The following SRBD1 variants were observed in gnomAD, a reference collection of about 807,000 sequenced individuals.
The protein encoded by SRBD1 is S1 RNA binding domain 1.
A neutral mutation model predicts 115.3 loss-of-function variants in SRBD1; 88 were observed. The observed-to-expected ratio is 0.76, with a 90% CI of 0.64 to 0.91. The LOEUF is 0.91. SRBD1 is among the 40% of genes least tolerant of loss of function. The pLI, the probability that SRBD1 is intolerant of heterozygous loss-of-function variation, is 0.00. For missense variants in SRBD1, 1,385 were observed against 1,177.4 expected, an observed-to-expected ratio of 1.18 and a Z score of -2.58; for synonymous variants, 509 against 407.7, an observed-to-expected ratio of 1.25 and a Z score of -2.99.
At position 45,413,214 on chromosome 2, in the gene SRBD1, G is replaced by C; in HGVS notation, c.2413C>G (p.Gln805Glu). 1.2e-6 allele frequency: 2 copies of C among 1,614,022 alleles called. No individual in the cohort carries two copies. Among genetic ancestry groups the C allele is most frequent in the Non-Finnish European group, 1.7e-6 (2 of 1,179,964 alleles). Residue 805 changes from glutamine (Q) to glutamate (E), a missense_variant, in exon 19 of 21, where the codon CAG (glutamine) becomes GAG (glutamate). Gln to Glu is a conservative substitution (Grantham distance 29, BLOSUM62 2). Transcript: ENST00000263736. The stretch of plus-strand genomic sequence containing the variant: ...GCAGTTTTGCTCTTCTTTTTGCCCT[G>C]CTTCTCATTTGTGACCTCAACGTCT... Reference protein sequence around the residue: ...SADVEVTNEKQGKKKSKTAVN... With the variant: ...SADVEVTNEKEGKKKSKTAVN...
At chr2:45,465,050 G>A (rs1376064674) in intron 16 of SRBD1, among the ~76,000 whole-genome samples, 1 of 114,848 alleles carries the variant, frequency 8.7e-6, no homozygotes, top group African/African-American at 3.1e-5. Context: ...CACACACACA[G>A]AGTCATCCCC....
At chr2:45,478,917 C>A (rs1414674695) in intron 15 of SRBD1, among the ~76,000 whole-genome samples, 1 of 152,156 alleles carries the variant, frequency 6.6e-6, no homozygotes, top group Non-Finnish European at 1.5e-5. Flanking sequence ...CTGAGTTGGG[C>A]AAGTCTATTG....
intron 19 of SRBD1, among the ~76,000 whole-genome samples, chr2:45,405,974 G>A (rs1667425198): frequency 6.6e-6 from 1 of 152,092 alleles, no homozygotes; most frequent in Non-Finnish European, 1.5e-5. Context: ...GAGGAATAGG[G>A]AGACCCCAGC....
intron 8 of SRBD1, among the ~76,000 whole-genome samples, chr2:45,574,407 G>A (rs183918852): frequency 6.6e-6 from 1 of 152,154 alleles, no homozygotes; most frequent in Non-Finnish European, 1.5e-5. Context: ...AGGAGGGTGA[G>A]TAGGCAGAGT....
At chr2:45,543,913 C>G (rs1411502306) in intron 14 of SRBD1, among the ~76,000 whole-genome samples, 1 of 152,076 alleles carries the variant, frequency 6.6e-6, no homozygotes, top group Non-Finnish European at 1.5e-5. Context: ...AAGGAGAAAA[C>G]AGACTATAGG....
intron 8 of SRBD1, among the ~76,000 whole-genome samples, chr2:45,574,241 C>T (rs1369863143): frequency 6.6e-6 from 1 of 152,084 alleles, no homozygotes; most frequent in African/African-American, 2.4e-5. Flanking sequence ...CACTGGTAAA[C>T]ACCAGAAACG....
intron 14 of SRBD1, among the ~76,000 whole-genome samples, chr2:45,507,209 A>T (rs1670825182): frequency 6.6e-6 from 1 of 152,186 alleles, no homozygotes; most frequent in Admixed American, 6.5e-5. Context: ...AAATACAAGC[A>T]GGACTAACCA....
At chr2:45,442,248 A>G (rs1238435027) in intron 16 of SRBD1, among the ~76,000 whole-genome samples, 1 of 152,250 alleles carries the variant, frequency 6.6e-6, no homozygotes, top group East Asian at 1.9e-4. Flanking sequence ...TATAACTGAC[A>G]TGGTCAGAAA....
At chr2:45,528,568 G>C (rs1671519469) in intron 14 of SRBD1, among the ~76,000 whole-genome samples, 1 of 151,884 alleles carries the variant, frequency 6.6e-6, no homozygotes, top group Admixed American at 6.6e-5. Flanking sequence ...AGGTACCAGA[G>C]GGGTACTCTA....
At chr2:45,527,194 G>A (rs1320046841) in intron 14 of SRBD1, among the ~76,000 whole-genome samples, 1 of 151,696 alleles carries the variant, frequency 6.6e-6, no homozygotes, top group Non-Finnish European at 1.5e-5. Context: ...TGGGGGAGGG[G>A]GGCCAGCAAG....
chr2:45,610,258 C>G (rs998516868), intron 1 of SRBD1, among the ~76,000 whole-genome samples: 3 of 152,040 alleles, frequency 2.0e-5, no homozygotes, highest in African/African-American at 7.3e-5. Flanking sequence ...TGCACACTAA[C>G]AAATACTAAA....
At chr2:45,540,968 G>C (rs182461077) in intron 14 of SRBD1, among the ~76,000 whole-genome samples, 57 of 152,370 alleles carry the variant, frequency 3.7e-4, no homozygotes, top group African/African-American at 1.3e-3. Flanking sequence ...TCTGTGGCCA[G>C]TGGTGCCTTT....
intron 20 of SRBD1, 121 bp from the exon 21 acceptor site, chr2:45,389,720 A>T: frequency 1.0e-6 from 1 of 1,002,334 alleles, no homozygotes. Flanking sequence ...TTAAGGGGGG[A>T]TTATAAAAGG....
intron 4 of SRBD1, among the ~76,000 whole-genome samples, chr2:45,586,527 A>G (rs1365593913): frequency 6.6e-6 from 1 of 152,084 alleles, no homozygotes; most frequent in Non-Finnish European, 1.5e-5. Flanking sequence ...CAACATCTTC[A>G]AGCTAATTAA....
intron 16 of SRBD1, among the ~76,000 whole-genome samples, chr2:45,435,622 T>C (rs888002966): frequency 1.3e-5 from 2 of 149,770 alleles, no homozygotes; most frequent in Admixed American, 1.3e-4. Context: ...CAGAGATTCC[T>C]GAGATTACAC....
chr2:45,511,467 CA>C (rs1670967174), intron 14 of SRBD1, among the ~76,000 whole-genome samples: 1 of 152,090 alleles, frequency 6.6e-6, no homozygotes, highest in Admixed American at 6.6e-5. Flanking sequence ...GAACTTCCCC[CA>C]AAAAGTTCTA....
intron 4 of SRBD1, among the ~76,000 whole-genome samples, chr2:45,587,266 T>C (rs866758344): frequency 3.9e-4 from 57 of 147,268 alleles, no homozygotes; most frequent in Non-Finnish European, 6.4e-4. Context: ...TTAAAATTGA[T>C]GTTAATTATA....
intron 16 of SRBD1, among the ~76,000 whole-genome samples, chr2:45,430,002 CAGAG>C (rs1558388312): frequency 6.6e-6 from 1 of 152,114 alleles, no homozygotes; most frequent in Non-Finnish European, 1.5e-5. Context: ...CAATAATAGA[CAGAG>C]AGCCAAATTA....
chr2:45,413,166 T>G lies in SRBD1; in HGVS notation c.2461A>C (p.Asn821His). ...KTAVNVLLKP[N>H]PLDQTCIHPE... ...TGAATACAAGTTTGGTCCAAAGGAT[T>G]TGGCTTCAGTAAAACATTCACTGCA... is the stretch of plus-strand genomic sequence containing the variant. The change falls in exon 19 of 21, where the codon AAT becomes CAT. Residue 821 changes from asparagine (N) to histidine (H), a missense_variant. Coordinates refer to ENST00000263736, the MANE Select transcript of SRBD1 (RefSeq NM_018079.5). The G allele has an allele frequency of 6.2e-7, 1 of 1,614,146 alleles. No homozygotes were observed.
Sources: gnomAD v4.1 joint callset for allele counts (sites outside exome capture counted in the v4.1 genomes callset) on GRCh38, gnomAD v4.1.1 for gene constraint, MANE v1.5 for transcripts, NCBI Gene and HGNC (gene_info 2026-07-23, HGNC 2026-07-21) for gene names.